ZBTB7C: variants seen among roughly 807,000 people sequenced by gnomAD.
ZBTB7C encodes the protein zinc finger and BTB domain containing 7C, also known as zinc finger and BTB domain-containing protein 7C.
A neutral mutation model predicts 25.7 loss-of-function variants in ZBTB7C; 8 were observed. The ratio of observed to expected loss-of-function variants is 0.31; its 90% CI spans 0.18 to 0.56. ZBTB7C has a LOEUF of 0.56. Ranked by LOEUF, ZBTB7C falls within the 20% of genes least tolerant of loss-of-function variation. ZBTB7C has a pLI of 0.91. For missense variants in ZBTB7C, 824 were observed against 855.2 expected (o/e 0.96, Z 0.46); for synonymous variants, 394 against 369.0 (o/e 1.07, Z -0.78).
intron 3 of ZBTB7C, among the ~76,000 whole-genome samples, chr18:48,133,012 G>A (rs574145516): frequency 6.6e-6 from 1 of 152,308 alleles, no homozygotes; most frequent in African/African-American, 2.4e-5. Flanking sequence ...CGTATTATTA[G>A]GTAATTTTTC....
chr18:48,271,679 G>GTTAATAT (rs1405991625), intron 2 of ZBTB7C, among the ~76,000 whole-genome samples: 9 of 151,608 alleles, frequency 5.9e-5, no homozygotes, highest in South Asian at 2.1e-4. Flanking sequence ...CAGAAAATGT[G>GTTAATAT]TTAATACAAT....
At chr18:48,193,573 G>A (rs1169497915) in intron 2 of ZBTB7C, among the ~76,000 whole-genome samples, 6 of 152,204 alleles carry the variant, frequency 3.9e-5, no homozygotes, top group Non-Finnish European at 8.8e-5. Flanking sequence ...CACGCCATAG[G>A]AGAAACCTTG....
intron 2 of ZBTB7C, among the ~76,000 whole-genome samples, chr18:48,308,252 T>C (rs1373301864): frequency 1.3e-5 from 2 of 152,188 alleles, no homozygotes; most frequent in East Asian, 1.9e-4. Flanking sequence ...TGCCCCCAGA[T>C]TCCCCATCTC....
At chr18:48,319,586 C>T (rs1203000939) in intron 2 of ZBTB7C, among the ~76,000 whole-genome samples, 4 of 152,104 alleles carry the variant, frequency 2.6e-5, no homozygotes, top group African/African-American at 9.7e-5. Context: ...AAAAAGGCTG[C>T]AGTGATTACA....
At chr18:48,373,606 T>C (rs549639886) in intron 1 of ZBTB7C, among the ~76,000 whole-genome samples, 2 of 152,210 alleles carry the variant, frequency 1.3e-5, no homozygotes, top group Non-Finnish European at 1.5e-5. Flanking sequence ...CATAAATGGC[T>C]TGGACCATCC....
intron 3 of ZBTB7C, among the ~76,000 whole-genome samples, chr18:48,103,196 C>A (rs543875947): frequency 6.7e-6 from 1 of 149,926 alleles, no homozygotes; most frequent in African/African-American, 2.5e-5. Context: ...GGTCACAGAC[C>A]AGCCTAAGAC....
upstream of ZBTB7C, chr18:48,410,740 G>T (rs2048376792): frequency 6.6e-6 from 1 of 152,278 alleles, no homozygotes; most frequent in South Asian, 2.1e-4. Context: ...CTCCTTGGTA[G>T]TACATCGGAG....
intron 3 of ZBTB7C, among the ~76,000 whole-genome samples, chr18:48,181,126 G>T (rs577169882): frequency 1.4e-4 from 22 of 152,308 alleles, no homozygotes; most frequent in African/African-American, 5.3e-4. Flanking sequence ...GCTTAGAAAG[G>T]TGAGCCACTG....
At chr18:48,179,001 G>T (rs958892831) in intron 3 of ZBTB7C, among the ~76,000 whole-genome samples, 1 of 152,164 alleles carries the variant, frequency 6.6e-6, no homozygotes, top group Non-Finnish European at 1.5e-5. Context: ...CATTGATTTT[G>T]AAGTGGGTGG....
chr18:48,089,746 A>C (rs1199835305), intron 3 of ZBTB7C, among the ~76,000 whole-genome samples: 1 of 152,176 alleles, frequency 6.6e-6, no homozygotes, highest in Non-Finnish European at 1.5e-5. Context: ...CAAGATGATA[A>C]AGTTTTGTCT....
intron 2 of ZBTB7C, among the ~76,000 whole-genome samples, chr18:48,320,975 T>C (rs866602744): frequency 5.2e-5 from 8 of 152,384 alleles, no homozygotes; most frequent in African/African-American, 1.9e-4. Context: ...TAGGCCTCAA[T>C]GTGGCCAGAC....
intron 3 of ZBTB7C, among the ~76,000 whole-genome samples, chr18:48,076,785 G>A (rs72920004): frequency 0.026 from 3,971 of 152,240 alleles, 92 homozygotes; most frequent in Non-Finnish European, 0.041. Context: ...CTTGCATGTT[G>A]GAGCCAGGGG....
At chr18:48,233,872 A>G (rs1035865869) in intron 2 of ZBTB7C, among the ~76,000 whole-genome samples, 3 of 152,094 alleles carry the variant, frequency 2.0e-5, no homozygotes, top group Admixed American at 2.0e-4. Context: ...CATTTATGAG[A>G]TTTCAACCTT....
chr18:48,409,693 G>T (rs1479795946), upstream of ZBTB7C, among the ~76,000 whole-genome samples: 1 of 151,986 alleles, frequency 6.6e-6, no homozygotes, highest in East Asian at 1.9e-4. Flanking sequence ...GGGCGCCCGG[G>T]ACTGGCGGAG....
chr18:48,254,778 G>T (rs922404825), intron 2 of ZBTB7C, among the ~76,000 whole-genome samples: 1 of 152,096 alleles, frequency 6.6e-6, no homozygotes, highest in African/African-American at 2.4e-5. Context: ...TAGATTTGAG[G>T]TTTCCTCCCA....
At chr18:48,039,686 C>T (rs2036130226) in intron 4 of ZBTB7C, among the ~76,000 whole-genome samples, 1 of 152,188 alleles carries the variant, frequency 6.6e-6, no homozygotes, top group Non-Finnish European at 1.5e-5. Flanking sequence ...CATGGGCTTC[C>T]ACCTAATATT....
At chr18:48,120,240 G>T (rs2039583639) in intron 3 of ZBTB7C, among the ~76,000 whole-genome samples, 1 of 152,164 alleles carries the variant, frequency 6.6e-6, no homozygotes, top group African/African-American at 2.4e-5. Context: ...GAGAAACTGT[G>T]TGGGAAGGCT....
At position 48,188,803 on chromosome 18, in the gene ZBTB7C, C is replaced by G. The variant is rs2042125108; in HGVS notation, c.-78-2808G>C. On this transcript the variant is annotated intron_variant, in intron 2 of 4. Transcript: ENST00000590800. ...ACTTTCATTGTTACCATTTGTTCAC[C>G]TCATACCCCTGCCTAGAAAGCCCCT... 3.9e-5 allele frequency among the ~76,000 whole-genome samples: 6 copies of G among 152,232 alleles called. No homozygotes were observed. The South Asian group carries it at 1.2e-3, about 32-fold the overall frequency.
chr18:48,071,509 T>C (rs968487911), intron 3 of ZBTB7C, among the ~76,000 whole-genome samples: 1 of 152,190 alleles, frequency 6.6e-6, no homozygotes, highest in Non-Finnish European at 1.5e-5. Flanking sequence ...GGTGAGGATG[T>C]AGAGAAATTG....
Sources: gnomAD v4.1 joint callset for allele counts (sites outside exome capture counted in the v4.1 genomes callset) on GRCh38, gnomAD v4.1.1 for gene constraint, MANE v1.5 for transcripts, NCBI Gene and HGNC (gene_info 2026-07-23, HGNC 2026-07-21) for gene names.